SHC4: variants seen among roughly 807,000 people sequenced by gnomAD.
SHC4 encodes SHC adaptor protein 4, also known as SHC-transforming protein 4.
In SHC4, 41 loss-of-function variants were observed where a neutral mutation model predicts 69.4. That is an observed-to-expected ratio of 0.59 (90% CI 0.46 to 0.77). The LOEUF (loss-of-function observed/expected upper bound fraction) is 0.77, where lower values mean the gene tolerates loss of function less well. SHC4 is among the 30% of genes least tolerant of loss of function. The pLI is 0.00. For synonymous variants in SHC4, 318 were observed against 299.3 expected (o/e 1.06, Z -0.64); for missense variants, 777 against 783.8 (o/e 0.99, Z 0.10).
chr15:48,916,080 G>T (rs1166694917), intron 2 of SHC4, among the ~76,000 whole-genome samples: 3 of 152,082 alleles, frequency 2.0e-5, no homozygotes. Context: ...ATCCTGTTCT[G>T]CAATCCTCAG....
intron 4 of SHC4, among the ~76,000 whole-genome samples, chr15:48,875,273 G>A (rs1899776657): frequency 6.6e-6 from 1 of 152,186 alleles, no homozygotes; most frequent in Admixed American, 6.5e-5. Flanking sequence ...TAAGCCTTTG[G>A]AGTTTTTCAA....
At chr15:48,839,276 A>G (rs925943954) in intron 10 of SHC4, among the ~76,000 whole-genome samples, 2 of 152,234 alleles carry the variant, frequency 1.3e-5, no homozygotes, top group East Asian at 1.9e-4. Context: ...CAAGGAAACT[A>G]CATCGCCAAA....
chr15:48,946,560 A>G, intron 1 of SHC4: 1 of 982,588 alleles, frequency 1.0e-6, no homozygotes, highest in Non-Finnish European at 1.2e-6. Context: ...GGATTCTTAC[A>G]TTTTCTGAAG....
chr15:48,960,404 C>G (rs971930474), intron 1 of SHC4, among the ~76,000 whole-genome samples: 1 of 152,174 alleles, frequency 6.6e-6, no homozygotes, highest in Non-Finnish European at 1.5e-5. Flanking sequence ...GGGCCTGGCA[C>G]ACACCTAATC....
intron 4 of SHC4, among the ~76,000 whole-genome samples, chr15:48,875,734 G>A (rs190367078): frequency 3.9e-5 from 6 of 152,314 alleles, no homozygotes; most frequent in African/African-American, 1.4e-4. Context: ...ATCGGTATAT[G>A]CATGGGTGGA....
intron 1 of SHC4, among the ~76,000 whole-genome samples, chr15:48,926,461 C>CTT (rs59533063): frequency 6.9e-6 from 1 of 145,274 alleles, no homozygotes. Flanking sequence ...AATAGTATTT[C>CTT]TTTTTTTTTT....
At chr15:48,884,406 A>T in intron 3 of SHC4, 39 bp from the exon 4 acceptor site, 1 of 1,536,164 alleles carries the variant, frequency 6.5e-7, no homozygotes, top group South Asian at 1.2e-5. Context: ...CACTGTTAGG[A>T]ATTTTGTTAC....
At chr15:48,878,022 C>T (rs1395895780) in intron 4 of SHC4, 10 of 949,060 alleles carry the variant, frequency 1.1e-5, no homozygotes, top group Non-Finnish European at 1.5e-5. Context: ...GCTACTCCAA[C>T]CACAGTGGCG....
chr15:48,903,267 C>T (rs1900347766), intron 2 of SHC4, among the ~76,000 whole-genome samples: 1 of 152,176 alleles, frequency 6.6e-6, no homozygotes, highest in Admixed American at 6.5e-5. Context: ...TAGAGAGATG[C>T]ACCAACTGTC....
chr15:48,911,399 G>T (rs1900505799), intron 2 of SHC4, among the ~76,000 whole-genome samples: 1 of 152,016 alleles, frequency 6.6e-6, no homozygotes, highest in Non-Finnish European at 1.5e-5. Context: ...CTCGCTTTTG[G>T]CATCCATTTG....
chr15:48,952,770 G>A (rs1391505579), intron 1 of SHC4, among the ~76,000 whole-genome samples: 2 of 152,184 alleles, frequency 1.3e-5, no homozygotes, highest in African/African-American at 4.8e-5. Context: ...AAAAATAACA[G>A]ATGCTGGTGA....
chr15:48,945,467 G>A (rs1436122084), intron 1 of SHC4, among the ~76,000 whole-genome samples: 1 of 152,188 alleles, frequency 6.6e-6, no homozygotes, highest in Admixed American at 6.5e-5. Flanking sequence ...GAGACAACCC[G>A]AAGGTCCAGT....
intron 2 of SHC4, among the ~76,000 whole-genome samples, chr15:48,900,233 C>A (rs562911355): frequency 6.6e-6 from 1 of 152,046 alleles, no homozygotes; most frequent in Non-Finnish European, 1.5e-5. Context: ...TATGGCTGGG[C>A]GCAGTGGCTC....
intron 10 of SHC4, among the ~76,000 whole-genome samples, chr15:48,839,041 CAG>C (rs1288367004): frequency 1.3e-5 from 2 of 151,478 alleles, no homozygotes; most frequent in African/African-American, 2.4e-5. Context: ...CAAAAAACAA[CAG>C]AGAAAATTAA....
At chr15:48,910,332 T>C (rs1405747835) in intron 2 of SHC4, among the ~76,000 whole-genome samples, 1 of 152,136 alleles carries the variant, frequency 6.6e-6, no homozygotes, top group Non-Finnish European at 1.5e-5. Flanking sequence ...TTCTAGGTTT[T>C]CTAGTTTATG....
chr15:48,902,284 TG>T (rs1282752872), intron 2 of SHC4, among the ~76,000 whole-genome samples: 1 of 152,076 alleles, frequency 6.6e-6, no homozygotes, highest in Non-Finnish European at 1.5e-5. Context: ...GTGTTATAAC[TG>T]GAATGCTATA....
chr15:48,947,175 A>G (rs1282299438), intron 1 of SHC4: 1 of 152,208 alleles, frequency 6.6e-6, no homozygotes, highest in African/African-American at 2.4e-5. Flanking sequence ...TATCTTTAAC[A>G]TTATTTCAGA....
intron 1 of SHC4, among the ~76,000 whole-genome samples, chr15:48,942,057 C>A (rs1263434024): frequency 6.6e-6 from 1 of 152,002 alleles, no homozygotes; most frequent in East Asian, 1.9e-4. Flanking sequence ...AATGGCAATG[C>A]TATGAAGATG....
intron 1 of SHC4, among the ~76,000 whole-genome samples, chr15:48,956,112 C>G (rs1901449839): frequency 6.6e-6 from 1 of 152,190 alleles, no homozygotes; most frequent in Non-Finnish European, 1.5e-5. Context: ...GCAGAATCTA[C>G]TTCCACGTCT....
Sources: allele counts gnomAD v4.1 joint callset (sites outside exome capture counted in the v4.1 genomes callset), GRCh38; gene constraint gnomAD v4.1.1; transcripts MANE v1.5; gene names NCBI Gene and HGNC (gene_info 2026-07-23, HGNC 2026-07-21).